Variants in MAP2K1 observed in about 807,000 individuals in gnomAD.
MAP2K1 encodes mitogen-activated protein kinase kinase 1.
MAP2K1 carries 16 observed loss-of-function variants against 46.3 expected under a neutral mutation model. The observed-to-expected ratio is 0.35, with a 90% confidence interval of 0.23 to 0.52. The LOEUF (loss-of-function observed/expected upper bound fraction) is 0.52, where lower values mean the gene tolerates loss of function less well. Among genes scored for constraint, MAP2K1 ranks in the 20% least tolerant of loss-of-function variants. The probability of loss-of-function intolerance (pLI) is 0.94; values close to 1 mark genes in which losing one functional copy is unlikely to be tolerated. For synonymous variants in MAP2K1, 183 were observed against 185.6 expected (o/e 0.99, Z 0.11); for missense variants, 263 against 497.1 (o/e 0.53, Z 4.48).
chr15:66,398,223 C>G (rs1267682118), intron 1 of MAP2K1, among the ~76,000 whole-genome samples: 1 of 151,700 alleles, frequency 6.6e-6, no homozygotes, highest in Non-Finnish European at 1.5e-5. Flanking sequence ...TAGAGACCAG[C>G]CTGGGCAACA....
intron 6 of MAP2K1, among the ~76,000 whole-genome samples, chr15:66,483,803 A>G (rs1344663793): frequency 7.2e-6 from 1 of 138,454 alleles, no homozygotes; most frequent in Non-Finnish European, 1.5e-5. Flanking sequence ...GCTGGAGTGC[A>G]GTGGTGCAAT....
intron 5 of MAP2K1, among the ~76,000 whole-genome samples, chr15:66,468,310 G>A (rs1892518223): frequency 6.6e-6 from 1 of 151,866 alleles, no homozygotes; most frequent in African/African-American, 2.4e-5. Context: ...GCAAACTCTT[G>A]ATAACCTGTT....
At chr15:66,459,238 G>A (rs557611340) in intron 5 of MAP2K1, among the ~76,000 whole-genome samples, 2 of 150,880 alleles carry the variant, frequency 1.3e-5, no homozygotes, top group South Asian at 4.2e-4. Context: ...GCTTGAACCC[G>A]GGAGTCTGAG....
At chr15:66,467,579 T>TA (rs1892499307) in intron 5 of MAP2K1, among the ~76,000 whole-genome samples, 1 of 152,038 alleles carries the variant, frequency 6.6e-6, no homozygotes, top group South Asian at 2.1e-4. Context: ...CTTTTTTTTT[T>TA]AAACAAAGTC....
intron 1 of MAP2K1, among the ~76,000 whole-genome samples, chr15:66,393,172 TTCTC>T (rs1245401954): frequency 6.6e-6 from 1 of 151,406 alleles, no homozygotes; most frequent in East Asian, 1.9e-4. Context: ...TGTTATCTCT[TTCTC>T]TCTCTCTTTT....
chr15:66,392,622 C>T (rs886751175), intron 1 of MAP2K1, among the ~76,000 whole-genome samples: 1 of 146,870 alleles, frequency 6.8e-6, no homozygotes, highest in East Asian at 2.0e-4. Flanking sequence ...GGCATGATCT[C>T]GGCTCACCGC....
Position 66,387,181 on chromosome 15 carries a change from C to T in MAP2K1, c.-167C>T. The T allele has an allele frequency of 1.9e-6, 1 of 515,192 alleles. No individual in the cohort carries two copies. The highest frequency in any genetic ancestry group is 3.4e-6 in the Non-Finnish European group (1 of 292,258). The allele number at this position is 515,192 out of a possible 1,614,324, so 31.9% of individuals were successfully genotyped here. ...GGCGGGGGTCCACTGAGACCGCTACCGGCCCCTCGGCGCTGACGGGACCGC... is the reference window on the plus strand; with the variant it reads ...GGCGGGGGTCCACTGAGACCGCTACTGGCCCCTCGGCGCTGACGGGACCGC... On this transcript the variant is annotated 5_prime_UTR_variant, in exon 1 of 11. Transcript: ENST00000307102.
intron 5 of MAP2K1, among the ~76,000 whole-genome samples, chr15:66,456,069 G>A (rs548513070): frequency 4.6e-5 from 7 of 152,184 alleles, no homozygotes; most frequent in South Asian, 2.1e-4. Flanking sequence ...GTGTCTATTC[G>A]CCTACCTCCT....
chr15:66,466,345 A>C (rs1253366928), intron 5 of MAP2K1, among the ~76,000 whole-genome samples: 2 of 152,234 alleles, frequency 1.3e-5, no homozygotes, highest in Non-Finnish European at 2.9e-5. Flanking sequence ...GAGAGAAACA[A>C]ATATGCTTCA....
Position 66,387,360 on chromosome 15 carries a change from A to C in MAP2K1, c.13A>C (p.Lys5Gln). MPKK[K>Q]PTPIQLNPAP... ...ACCCGGGTCCAAAATGCCCAAGAAG[A>C]AGCCGACGCCCATCCAGCTGAACCC... Residue 5 changes from lysine to glutamine, a missense_variant, in exon 1 of 11, where the codon AAG becomes CAG. Around this residue, in one of 4 missense-constraint regions of MAP2K1, gnomAD observed 31 missense variants for 29.9 expected, o/e 1.04. Coordinates refer to ENST00000307102, the MANE Select transcript of MAP2K1 (RefSeq NM_002755.4). 6.4e-7 allele frequency: 1 copy of C among 1,563,938 alleles called. No individual in the cohort carries two copies. The highest frequency in any genetic ancestry group is 8.7e-7 in the Non-Finnish European group (1 of 1,153,538).
intron 5 of MAP2K1, among the ~76,000 whole-genome samples, chr15:66,476,861 A>G (rs749520736): frequency 3.9e-5 from 6 of 152,092 alleles, no homozygotes; most frequent in Non-Finnish European, 8.8e-5. Flanking sequence ...CAAGAAATGA[A>G]TTCTCTCTGG....
intron 1 of MAP2K1, among the ~76,000 whole-genome samples, chr15:66,390,005 T>C (rs2093353066): frequency 6.6e-6 from 1 of 152,244 alleles, no homozygotes. Context: ...CTTCCAAAGC[T>C]GTTGGCTGCT....
At chr15:66,420,269 T>C (rs2093434760) in intron 1 of MAP2K1, among the ~76,000 whole-genome samples, 2 of 151,498 alleles carry the variant, frequency 1.3e-5, no homozygotes, top group Non-Finnish European at 1.5e-5. Flanking sequence ...AATGAATGAA[T>C]GAATGAATGC....
chr15:66,488,004 G>A (rs1435199323), intron 8 of MAP2K1, among the ~76,000 whole-genome samples: 1 of 152,058 alleles, frequency 6.6e-6, no homozygotes, highest in African/African-American at 2.4e-5. Context: ...TGAGGAAATT[G>A]AGCCTCCGAG....
intron 5 of MAP2K1, among the ~76,000 whole-genome samples, chr15:66,472,170 G>C (rs1029685740): frequency 2.0e-5 from 3 of 152,090 alleles, no homozygotes; most frequent in Admixed American, 1.3e-4. Flanking sequence ...TGGATGTGGT[G>C]GTGGGTGCCT....
At chr15:66,476,627 A>G (rs1892760406) in intron 5 of MAP2K1, among the ~76,000 whole-genome samples, 1 of 152,170 alleles carries the variant, frequency 6.6e-6, no homozygotes, top group Admixed American at 6.5e-5. Context: ...GTGAAGTTGG[A>G]GAGGAAAGGA....
chr15:66,480,966 AT>A (rs1180056137), intron 5 of MAP2K1, among the ~76,000 whole-genome samples: 22 of 152,200 alleles, frequency 1.4e-4, no homozygotes, highest in African/African-American at 5.3e-4. Context: ...ATGTTTGGAA[AT>A]TTAGGTCTCT....
At chr15:66,483,313 C>G (rs1567025269) in intron 6 of MAP2K1, among the ~76,000 whole-genome samples, 1 of 152,150 alleles carries the variant, frequency 6.6e-6, no homozygotes, top group Non-Finnish European at 1.5e-5. Context: ...CCCTCCCCTC[C>G]AGTGACCCAC....
At chr15:66,472,058 A>G (rs1892646750) in intron 5 of MAP2K1, among the ~76,000 whole-genome samples, 1 of 129,720 alleles carries the variant, frequency 7.7e-6, no homozygotes, top group Admixed American at 8.2e-5. Flanking sequence ...GCCTGGCAAC[A>G]GAGCAAGACT....
Sources: allele counts gnomAD v4.1 joint callset (sites outside exome capture counted in the v4.1 genomes callset), GRCh38; gene constraint gnomAD v4.1.1; regional missense constraint gnomAD v4.1.1; transcripts MANE v1.5; gene names NCBI Gene and HGNC (gene_info 2026-07-23, HGNC 2026-07-21).